Variants in RTN4 observed in about 807,000 individuals in gnomAD.
RTN4 encodes the protein reticulon 4, also known as reticulon-4.
A neutral mutation model predicts 90.4 loss-of-function variants in RTN4; 32 were observed. The observed-to-expected ratio is 0.35, with a 90% confidence interval of 0.27 to 0.48. The LOEUF is 0.48. Among genes scored for constraint, RTN4 ranks in the 20% least tolerant of loss-of-function variants. The pLI, the probability that RTN4 is intolerant of heterozygous loss-of-function variation, is 0.99. For missense variants in RTN4, 1,706 were observed against 1,430.2 expected (o/e 1.19, Z -3.11); for synonymous variants, 629 against 552.5 (o/e 1.14, Z -1.94).
chr2:55,102,962 T>C (rs1171759841), intron 1 of RTN4, among the ~76,000 whole-genome samples: 2 of 151,692 alleles, frequency 1.3e-5, no homozygotes, highest in African/African-American at 2.4e-5. Context: ...CTACTAAAAT[T>C]ACAAAATAAG....
chr2:55,118,739 G>A, the RTN4 span, among the ~76,000 whole-genome samples: 1 of 152,168 alleles, frequency 6.6e-6, no homozygotes, highest in Non-Finnish European at 1.5e-5. Flanking sequence ...AGGACAGAAA[G>A]GCCCTAGCTC....
chr2:55,133,912 AGGGT>A, the RTN4 span, among the ~76,000 whole-genome samples: 2 of 152,190 alleles, frequency 1.3e-5, no homozygotes, highest in Non-Finnish European at 2.9e-5. Flanking sequence ...AAGGAATGAA[AGGGT>A]GGAGAGTCCA....
At chr2:55,091,690 C>T (rs1426737726) in intron 1 of RTN4, among the ~76,000 whole-genome samples, 2 of 152,118 alleles carry the variant, frequency 1.3e-5, no homozygotes, top group Admixed American at 6.5e-5. Context: ...TTTAATTAGC[C>T]AGTGTATTAG....
intron 1 of RTN4, among the ~76,000 whole-genome samples, chr2:55,042,153 A>C (rs1319978866): frequency 6.6e-6 from 1 of 152,162 alleles, no homozygotes. Flanking sequence ...GTTGGTAAAG[A>C]TATAAGGGAA....
At chr2:55,015,008 T>C (rs1191148695) in intron 3 of RTN4, among the ~76,000 whole-genome samples, 1 of 152,196 alleles carries the variant, frequency 6.6e-6, no homozygotes, top group Non-Finnish European at 1.5e-5. Context: ...TTCAAAATTG[T>C]TTATAAAAAT....
chr2:55,037,027 G>A lies in RTN4; in HGVS notation c.557-8807C>T, dbSNP rs565221171. Among the ~76,000 whole-genome samples the A allele has an allele frequency of 3.9e-5, 6 of 152,246 alleles. No individual in the cohort carries two copies. In the East Asian group the frequency reaches 9.6e-4, roughly 24 times the overall value. ...AAATAACCCTACCAAAGCTAGTAGT[G>A]AATTTATAAGGATACAGGATAGATG... On this transcript the variant is annotated intron_variant, in intron 1 of 8. Transcript: ENST00000337526.
intron 1 of RTN4, among the ~76,000 whole-genome samples, chr2:55,105,271 C>G (rs1667924959): frequency 6.8e-6 from 1 of 147,134 alleles, no homozygotes; most frequent in South Asian, 2.2e-4. Context: ...ACTCTGTCAC[C>G]CAAGCTGGAG....
At chr2:55,062,860 A>G (rs901136871) in intron 2 of RTN4, among the ~76,000 whole-genome samples, 1 of 152,228 alleles carries the variant, frequency 6.6e-6, no homozygotes, top group Non-Finnish European at 1.5e-5. Flanking sequence ...GGAACCCTCA[A>G]TTTTTAACAG....
intron 1 of RTN4, among the ~76,000 whole-genome samples, chr2:55,083,656 A>G (rs1434524236): frequency 6.6e-6 from 1 of 152,244 alleles, no homozygotes; most frequent in East Asian, 1.9e-4. Context: ...AAGGGAAACT[A>G]TAAGGGGAAA....
chr2:55,068,484 T>C (rs547669648), intron 2 of RTN4, among the ~76,000 whole-genome samples: 11 of 152,264 alleles, frequency 7.2e-5, no homozygotes, highest in South Asian at 2.1e-4. Flanking sequence ...AATACAGGTC[T>C]TCCAAAATTC....
chr2:55,023,396 G>A (rs1434930105), intron 3 of RTN4, among the ~76,000 whole-genome samples: 1 of 152,068 alleles, frequency 6.6e-6, no homozygotes, highest in African/African-American at 2.4e-5. Flanking sequence ...TTCATTCCCA[G>A]CAAATGAACT....
the RTN4 span, among the ~76,000 whole-genome samples, chr2:55,127,750 G>A: frequency 1.3e-5 from 2 of 152,134 alleles, no homozygotes; most frequent in Non-Finnish European, 2.9e-5. Flanking sequence ...CTGTTCTATT[G>A]TACCTCTGTG....
Position 54,972,626 on chromosome 2 carries a change from T to C in RTN4, c.*530A>G, listed in dbSNP as rs1677163193. 1 of 152,728 alleles carries C rather than the reference T, an allele frequency of 6.5e-6. No individual in the cohort carries two copies. The highest frequency in any genetic ancestry group is 2.4e-5 in the African/African-American group (1 of 41,450). The allele number at this position is 152,728 out of a possible 1,614,324, so 9.5% of individuals were successfully genotyped here. A position where few individuals can be genotyped will look rare whatever the true frequency, so the allele number is the denominator to read the frequency against. On this transcript the variant is annotated 3_prime_UTR_variant, in exon 9 of 9. Transcript: ENST00000337526. ...TACATATATAATCTATATTTACTTA[T>C]ATTGGCAATTAATATAACAGTAAAA...
intron 1 of RTN4, among the ~76,000 whole-genome samples, chr2:55,100,510 G>C (rs1667833769): frequency 6.6e-6 from 1 of 152,120 alleles, no homozygotes; most frequent in African/African-American, 2.4e-5. Context: ...CAGCACTGCT[G>C]CAACTGAAGA....
intron 1 of RTN4, among the ~76,000 whole-genome samples, chr2:55,088,135 CG>C (rs1668877462): frequency 6.6e-6 from 1 of 152,192 alleles, no homozygotes. Context: ...CAAGTACTTA[CG>C]GGTTATGTTA....
intron 3 of RTN4, among the ~76,000 whole-genome samples, chr2:55,002,803 T>C (rs1679940332): frequency 6.6e-6 from 1 of 152,202 alleles, no homozygotes; most frequent in Non-Finnish European, 1.5e-5. Context: ...TTGTAAAGAA[T>C]GTTAAAATGA....
chr2:55,114,896 A>T (rs1279121195), upstream of RTN4, among the ~76,000 whole-genome samples: 1 of 152,082 alleles, frequency 6.6e-6, no homozygotes, highest in African/African-American at 2.4e-5. Flanking sequence ...TAGAGGGTGC[A>T]TCAGCTTAAA....
intron 3 of RTN4, among the ~76,000 whole-genome samples, chr2:55,017,925 A>G (rs1337858979): frequency 3.3e-5 from 5 of 152,224 alleles, no homozygotes; most frequent in African/African-American, 2.4e-5. Flanking sequence ...AGTTAGGACA[A>G]TAACTGCTTA....
chr2:55,014,988 G>A (rs971191090), intron 3 of RTN4, among the ~76,000 whole-genome samples: 1 of 152,146 alleles, frequency 6.6e-6, no homozygotes, highest in Non-Finnish European at 1.5e-5. Flanking sequence ...TTTGGTACAA[G>A]ATGTCAATAT....
Sources: gnomAD v4.1 joint callset for allele counts (sites outside exome capture counted in the v4.1 genomes callset) on GRCh38, gnomAD v4.1.1 for gene constraint, MANE v1.5 for transcripts, NCBI Gene and HGNC (gene_info 2026-07-23, HGNC 2026-07-21) for gene names.